SCHIP1: variants seen among roughly 807,000 people sequenced by gnomAD.
The protein encoded by SCHIP1 is schwannomin interacting protein 1, also known as schwannomin-interacting protein 1.
In SCHIP1, 8 loss-of-function variants were observed where a neutral mutation model predicts 29.7. The observed-to-expected ratio is 0.27, with a 90% CI of 0.16 to 0.49. The LOEUF (loss-of-function observed/expected upper bound fraction) is 0.49, where lower values mean the gene tolerates loss of function less well. Ranked by LOEUF, SCHIP1 falls within the 20% of genes least tolerant of loss-of-function variation. The pLI is 0.99. For synonymous variants in SCHIP1, 76 were observed against 94.9 expected, an observed-to-expected ratio of 0.80 and a Z score of 1.16; for missense variants, 193 against 294.6, an observed-to-expected ratio of 0.66 and a Z score of 2.52.
chr3:159,401,703 T>G, the SCHIP1 span, among the ~76,000 whole-genome samples: 1 of 152,192 alleles, frequency 6.6e-6, no homozygotes, highest in Non-Finnish European at 1.5e-5. Flanking sequence ...ATTGCTTTGG[T>G]GTTTTAGACA....
the SCHIP1 span, among the ~76,000 whole-genome samples, chr3:159,565,555 G>A: frequency 2.0e-5 from 3 of 152,128 alleles, no homozygotes; most frequent in African/African-American, 7.2e-5. Context: ...TTCTCCACAA[G>A]GAGAGAGAAC....
chr3:159,766,517 C>T, the SCHIP1 span, among the ~76,000 whole-genome samples: 1 of 152,150 alleles, frequency 6.6e-6, no homozygotes, highest in African/African-American at 2.4e-5. Flanking sequence ...CCACTTTGTG[C>T]TTGAGAAAAA....
At chr3:159,472,220 A>T in the SCHIP1 span, among the ~76,000 whole-genome samples, 1 of 152,192 alleles carries the variant, frequency 6.6e-6, no homozygotes. Context: ...CATATTATCT[A>T]TTCAACTGTG....
At chr3:159,716,740 AAG>A in the SCHIP1 span, among the ~76,000 whole-genome samples, 1 of 152,232 alleles carries the variant, frequency 6.6e-6, no homozygotes, top group African/African-American at 2.4e-5. Context: ...TTCGTAAAGC[AAG>A]ACCTTAGAGA....
chr3:159,879,850 A>G (rs544647671), intron 2 of SCHIP1, among the ~76,000 whole-genome samples: 1 of 152,272 alleles, frequency 6.6e-6, no homozygotes, highest in African/African-American at 2.4e-5. Flanking sequence ...TGTTTCTCCA[A>G]AGAAAAGCTG....
At chr3:159,379,227 GTT>G in the SCHIP1 span, among the ~76,000 whole-genome samples, 7 of 143,680 alleles carry the variant, frequency 4.9e-5, no homozygotes, top group African/African-American at 1.0e-4. Flanking sequence ...TTTGGTTTTT[GTT>G]TTTTTTTTTT....
the SCHIP1 span, among the ~76,000 whole-genome samples, chr3:159,668,582 T>A: frequency 1.3e-5 from 2 of 152,062 alleles, no homozygotes. Context: ...TGCAAGTTCT[T>A]AACAATAGAG....
At chr3:159,379,955 T>C in the SCHIP1 span, among the ~76,000 whole-genome samples, 1 of 152,192 alleles carries the variant, frequency 6.6e-6, no homozygotes, top group Non-Finnish European at 1.5e-5. Context: ...TTCTCTTTGT[T>C]TTCTAGCAGG....
At chr3:159,725,457 C>G in the SCHIP1 span, among the ~76,000 whole-genome samples, 1 of 151,810 alleles carries the variant, frequency 6.6e-6, no homozygotes, top group Non-Finnish European at 1.5e-5. Flanking sequence ...TTAGTAGAGA[C>G]GGGGTTTCAT....
At chr3:159,752,473 T>G in the SCHIP1 span, among the ~76,000 whole-genome samples, 1 of 152,170 alleles carries the variant, frequency 6.6e-6, no homozygotes, top group Admixed American at 6.5e-5. Context: ...CTGGGTAATT[T>G]ATAAGAAAAG....
At chr3:159,770,660 C>T in the SCHIP1 span, among the ~76,000 whole-genome samples, 14 of 152,280 alleles carry the variant, frequency 9.2e-5, no homozygotes, top group Non-Finnish European at 1.9e-4. Context: ...TGCCTGTCTT[C>T]CAAGGAAGTA....
chr3:159,723,445 AGTC>A, the SCHIP1 span, among the ~76,000 whole-genome samples: 20 of 152,256 alleles, frequency 1.3e-4, no homozygotes, highest in Non-Finnish European at 2.2e-4. Context: ...GTTATTAAGT[AGTC>A]TTCTATAAGA....
chr3:159,418,606 G>T, the SCHIP1 span, among the ~76,000 whole-genome samples: 4 of 152,076 alleles, frequency 2.6e-5, no homozygotes, highest in African/African-American at 7.2e-5. Flanking sequence ...ACAAAATATT[G>T]ACTATTGTCA....
the SCHIP1 span, among the ~76,000 whole-genome samples, chr3:159,812,810 G>A: frequency 1.3e-5 from 2 of 152,134 alleles, no homozygotes; most frequent in Non-Finnish European, 2.9e-5. Context: ...GAGAGACTGG[G>A]TAATTTATAA....
At chr3:159,512,580 G>A in the SCHIP1 span, among the ~76,000 whole-genome samples, 2 of 152,224 alleles carry the variant, frequency 1.3e-5, no homozygotes, top group African/African-American at 4.8e-5. Context: ...ATTTCTGTGG[G>A]TACATAGTAG....
At chr3:159,663,406 T>G in the SCHIP1 span, among the ~76,000 whole-genome samples, 1 of 152,274 alleles carries the variant, frequency 6.6e-6, no homozygotes, top group Admixed American at 6.5e-5. Flanking sequence ...AGTGGCTCAG[T>G]GAGAAGAATC....
chr3:159,600,988 G>A, the SCHIP1 span, among the ~76,000 whole-genome samples: 2 of 152,338 alleles, frequency 1.3e-5, no homozygotes, highest in African/African-American at 4.8e-5. Flanking sequence ...GGCTATTAGT[G>A]ATGAAGTTGT....
At chr3:159,512,779 A>G in the SCHIP1 span, among the ~76,000 whole-genome samples, 21 of 152,228 alleles carry the variant, frequency 1.4e-4, no homozygotes, top group African/African-American at 4.6e-4. Context: ...CTGCTGTGCT[A>G]TCAAATAGTA....
chr3:159,690,729 A>G, the SCHIP1 span, among the ~76,000 whole-genome samples: 1 of 152,302 alleles, frequency 6.6e-6, no homozygotes, highest in East Asian at 1.9e-4. Context: ...TCCTGTGGGC[A>G]TTTAGTGCTA....
Sources: gnomAD v4.1 joint callset for allele counts (sites outside exome capture counted in the v4.1 genomes callset) on GRCh38, gnomAD v4.1.1 for gene constraint, MANE v1.5 for transcripts, NCBI Gene and HGNC (gene_info 2026-07-23, HGNC 2026-07-21) for gene names.